The following OPCML variants were observed in gnomAD, a reference collection of about 807,000 sequenced individuals.
The protein encoded by OPCML is opioid binding protein/cell adhesion molecule like.
OPCML carries 13 observed loss-of-function variants against 37.8 expected under a neutral mutation model. The observed-to-expected ratio is 0.34, with a 90% CI of 0.22 to 0.55. OPCML has a LOEUF of 0.55. Among genes scored for constraint, OPCML ranks in the 20% least tolerant of loss-of-function variants. OPCML has a pLI of 0.91. For missense variants in OPCML, 341 were observed against 435.6 expected, an observed-to-expected ratio of 0.78 and a Z score of 1.93; for synonymous variants, 176 against 168.8, an observed-to-expected ratio of 1.04 and a Z score of -0.33.
At chr11:132,644,140 C>T (rs1941017105) in intron 3 of OPCML, among the ~76,000 whole-genome samples, 1 of 152,066 alleles carries the variant, frequency 6.6e-6, no homozygotes, top group Admixed American at 6.5e-5. Flanking sequence ...ACCAAAAGAA[C>T]CAATAACAAT....
intron 1 of OPCML, among the ~76,000 whole-genome samples, chr11:133,164,820 C>CT (rs1592064322): frequency 2.0e-5 from 3 of 152,224 alleles, no homozygotes; most frequent in Non-Finnish European, 4.4e-5. Flanking sequence ...ATTAGGATCC[C>CT]TTGCCTTACA....
chr11:132,759,058 T>A (rs58408382), intron 2 of OPCML, among the ~76,000 whole-genome samples: 2 of 152,206 alleles, frequency 1.3e-5, no homozygotes, highest in African/African-American at 4.8e-5. Context: ...ATTGAAATAA[T>A]CATGTGGTTT....
At chr11:132,711,658 T>C (rs1177280047) in intron 2 of OPCML, among the ~76,000 whole-genome samples, 3 of 152,176 alleles carry the variant, frequency 2.0e-5, no homozygotes, top group Non-Finnish European at 4.4e-5. Flanking sequence ...CGTGTGAGTG[T>C]GTATGTATGT....
At chr11:133,010,666 A>T (rs529922394) in intron 1 of OPCML, among the ~76,000 whole-genome samples, 9 of 152,364 alleles carry the variant, frequency 5.9e-5, no homozygotes, top group Admixed American at 2.0e-4. Flanking sequence ...GAATAAAGAT[A>T]TAAAAAGCAT....
chr11:133,455,650 C>T (rs1162657735), intron 1 of OPCML, among the ~76,000 whole-genome samples: 1 of 152,114 alleles, frequency 6.6e-6, no homozygotes, highest in Admixed American at 6.6e-5. Context: ...CTTCCTTTTG[C>T]CAGGTACTAT....
intron 2 of OPCML, among the ~76,000 whole-genome samples, chr11:132,938,887 T>C (rs1056966964): frequency 2.6e-5 from 4 of 152,158 alleles, no homozygotes; most frequent in Admixed American, 2.6e-4. Context: ...CTGGAAAAGA[T>C]GTTTTCAATG....
Position 133,115,524 on chromosome 11 carries a change from A to C in OPCML, c.62-172514T>G, listed in dbSNP as rs183046227. 1.5e-3 allele frequency among the ~76,000 whole-genome samples: 231 copies of C among 152,294 alleles called. 1 individual carries two copies. Among genetic ancestry groups the C allele is most frequent in the African/African-American group, 5.4e-3 (224 of 41,562 alleles). The stretch of plus-strand genomic sequence containing the variant: ...ACAAACAAAACAACAACAACAACAA[A>C]AACACAGGCAGAGCTATATAACACT... On this transcript the variant is annotated intron_variant, in intron 1 of 7. Coordinates refer to ENST00000524381, the MANE Select transcript of OPCML (RefSeq NM_001012393.5).
At chr11:132,874,516 A>T (rs1369159919) in intron 2 of OPCML, among the ~76,000 whole-genome samples, 1 of 151,146 alleles carries the variant, frequency 6.6e-6, no homozygotes, top group Admixed American at 6.6e-5. Context: ...TCTTCTTGGA[A>T]ATGATGCACC....
chr11:132,937,607 T>G (rs868062009), intron 2 of OPCML, among the ~76,000 whole-genome samples: 1,496 of 133,794 alleles, frequency 0.011, 27 homozygotes, highest in South Asian at 0.027. Context: ...TGTGTGTGTG[T>G]GTGTGTGTGT....
At chr11:132,575,254 G>T (rs1484502730) in intron 3 of OPCML, among the ~76,000 whole-genome samples, 1 of 151,994 alleles carries the variant, frequency 6.6e-6, no homozygotes, top group Non-Finnish European at 1.5e-5. Flanking sequence ...GCTAAGTATT[G>T]ATAGTGAAGG....
chr11:132,888,115 G>T (rs1321372766), intron 2 of OPCML, among the ~76,000 whole-genome samples: 1 of 152,120 alleles, frequency 6.6e-6, no homozygotes, highest in Non-Finnish European at 1.5e-5. Context: ...GAAGAGGGGA[G>T]GCACAAGGAA....
chr11:133,518,390 AGTGT>A (rs1446725568), intron 1 of OPCML, among the ~76,000 whole-genome samples: 1 of 151,020 alleles, frequency 6.6e-6, no homozygotes, highest in African/African-American at 2.4e-5. Context: ...TGTGTAAATA[AGTGT>A]GTGTGTGCAT....
intron 4 of OPCML, among the ~76,000 whole-genome samples, chr11:132,506,680 A>C (rs1049131740): frequency 1.3e-5 from 2 of 152,190 alleles, no homozygotes; most frequent in Admixed American, 1.3e-4. Context: ...AGACTCACAC[A>C]GGCTGCAAAT....
At chr11:133,016,693 T>G (rs966234237) in intron 1 of OPCML, among the ~76,000 whole-genome samples, 10 of 152,184 alleles carry the variant, frequency 6.6e-5, no homozygotes, top group Non-Finnish European at 1.3e-4. Flanking sequence ...GCCTGCCATA[T>G]TCAGTGTGTA....
chr11:132,762,003 CT>C (rs1417990747), intron 2 of OPCML, among the ~76,000 whole-genome samples: 3 of 152,110 alleles, frequency 2.0e-5, no homozygotes, highest in Non-Finnish European at 4.4e-5. Context: ...GCGTGGGTGT[CT>C]TTTTTGTTGA....
chr11:133,042,040 TG>T lies in OPCML; in HGVS notation c.62-99031del, dbSNP rs1324478164. On this transcript the variant is annotated intron_variant, in intron 1 of 7. Coordinates refer to ENST00000524381, the MANE Select transcript of OPCML (RefSeq NM_001012393.5). ...CATCACTCAGCATGCCGTGCAGAGC[TG>T]GGGGGTGGGGGGAGCCTGCTTATTC... 4.6e-5 allele frequency among the ~76,000 whole-genome samples: 7 copies of T among 152,138 alleles called. No individual in the cohort carries two copies. The South Asian group carries it at 1.5e-3, about 32-fold the overall frequency.
chr11:132,481,441 G>C (rs2096180055), intron 4 of OPCML, among the ~76,000 whole-genome samples: 1 of 150,758 alleles, frequency 6.6e-6, no homozygotes, highest in African/African-American at 2.5e-5. Context: ...GACCTACAAA[G>C]AGACTTAGAC....
chr11:132,992,561 C>T (rs1043380010), intron 1 of OPCML, among the ~76,000 whole-genome samples: 2 of 151,980 alleles, frequency 1.3e-5, no homozygotes, highest in African/African-American at 4.8e-5. Flanking sequence ...AATTCCTTGC[C>T]ATCATGGAGT....
chr11:133,328,908 CGACATGAT>C (rs1258791802), intron 1 of OPCML, among the ~76,000 whole-genome samples: 1 of 152,086 alleles, frequency 6.6e-6, no homozygotes, highest in Non-Finnish European at 1.5e-5. Flanking sequence ...TGTTTGCAGA[CGACATGAT>C]TGTATATCTA....
Sources: allele counts gnomAD v4.1 joint callset (sites outside exome capture counted in the v4.1 genomes callset), GRCh38; gene constraint gnomAD v4.1.1; transcripts MANE v1.5; gene names NCBI Gene and HGNC (gene_info 2026-07-23, HGNC 2026-07-21).